Variants in NBPF19 observed in about 807,000 individuals in gnomAD.
NBPF19 encodes NBPF member 19, also known as NBPF family member NBPF19.
A neutral mutation model predicts 45.9 loss-of-function variants in NBPF19; 30 were observed. The observed-to-expected ratio is 0.65, with a 90% CI of 0.49 to 0.89. The LOEUF (loss-of-function observed/expected upper bound fraction) is 0.89. Among genes scored for constraint, NBPF19 ranks in the 40% least tolerant of loss-of-function variants. The pLI is 0.00. For missense variants in NBPF19, 495 were observed against 471.8 expected, an observed-to-expected ratio of 1.05 and a Z score of -0.46; for synonymous variants, 183 against 181.2, an observed-to-expected ratio of 1.01 and a Z score of -0.08.
chr1:149,486,716 C>A (rs2085531562), intron 8 of NBPF19, among the ~76,000 whole-genome samples: 1 of 151,286 alleles, frequency 6.6e-6, no homozygotes, highest in Non-Finnish European at 1.5e-5. Flanking sequence ...GCCAGTGTCA[C>A]CCTTGTCTAC....
Position 149,554,752 on chromosome 1 carries a change from A to T in NBPF19, c.*14A>T, listed in dbSNP as rs2087204840. On this transcript the variant is annotated 3_prime_UTR_variant, in exon 94 of 94. Transcript: ENST00000651566. Reference sequence around the variant, plus strand: ...TTCCCACAATAGGCAGCCCTTACTAAGCCGAGAGATGTCATTCCTGCAGGC... The same window carrying T: ...TTCCCACAATAGGCAGCCCTTACTATGCCGAGAGATGTCATTCCTGCAGGC... The T allele has an allele frequency of 1.9e-5, 30 of 1,607,796 alleles. No individual in the cohort carries two copies. The highest frequency in any genetic ancestry group is 2.5e-5 in the Non-Finnish European group (29 of 1,176,364).
chr1:149,487,126 C>T lies in NBPF19; in HGVS notation c.989-206C>T, dbSNP rs3934185. Among the ~76,000 whole-genome samples the T allele has an allele frequency of 3.3e-5, 5 of 150,186 alleles. No individual in the cohort carries two copies. In the East Asian group the frequency reaches 7.8e-4, roughly 23 times the overall value. ...GCACATAGGGAAGATAACATTCCAA[C>T]ACAGGGGAATTTTGCCCAAGGCTCA... On this transcript the variant is annotated intron_variant, in intron 8 of 93. Coordinates refer to ENST00000651566, the MANE Select transcript of NBPF19 (RefSeq NM_001351365.2).
Position 149,554,741 on chromosome 1 carries a change from A to T in NBPF19, c.*3A>T. On this transcript the variant is annotated 3_prime_UTR_variant, in exon 94 of 94. Coordinates refer to ENST00000651566, the MANE Select transcript of NBPF19 (RefSeq NM_001351365.2). ...TGTTAGTCATATTCCCACAATAGGC[A>T]GCCCTTACTAAGCCGAGAGATGTCA... The T allele has an allele frequency of 1.2e-6, 2 of 1,608,112 alleles. No homozygotes were observed. The highest frequency in any genetic ancestry group is 8.5e-7 in the Non-Finnish European group (1 of 1,176,588).
At chr1:149,493,928 G>A (rs1407440790) in intron 17 of NBPF19, among the ~76,000 whole-genome samples, 1 of 46,626 alleles carries the variant, frequency 2.1e-5, no homozygotes, top group African/African-American at 1.5e-4. Context: ...ATACCTCAAA[G>A]GCTGTATGGC....
At position 149,480,343 on chromosome 1, in the gene NBPF19, A is replaced by C; in HGVS notation, c.566+129A>C. 3.7e-6 allele frequency: 3 copies of C among 814,102 alleles called. No individual in the cohort carries two copies. The South Asian group carries it at 4.2e-5, about 12-fold the overall frequency. 50.4% of individuals were successfully genotyped at this position (814,102 alleles called of 1,614,324 possible). On this transcript the variant is annotated intron_variant, in intron 5 of 93. Coordinates refer to ENST00000651566, the MANE Select transcript of NBPF19 (RefSeq NM_001351365.2). ...GCTTGGCCACAGTATGTGAAATATAATCCAGCTTAGACACAGGGTGCGGTA... is the reference window on the plus strand; with the variant it reads ...GCTTGGCCACAGTATGTGAAATATACTCCAGCTTAGACACAGGGTGCGGTA...
intron 2 of NBPF19, 141 bp downstream of exon 2, chr1:149,476,248 TG>T (rs1247580518): frequency 1.6e-6 from 1 of 641,392 alleles, no homozygotes; most frequent in Admixed American, 3.0e-5. Context: ...TTTAACATTT[TG>T]TTAAAGTTGG....
At chr1:149,477,339 A>C (rs1353168807) in intron 2 of NBPF19, among the ~76,000 whole-genome samples, 12 of 151,506 alleles carry the variant, frequency 7.9e-5, no homozygotes, top group African/African-American at 2.9e-4. Context: ...CTAAATTAAC[A>C]CAACTAATCT....
chr1:149,521,086 GTC>G (rs1332010239), intron 51 of NBPF19, among the ~76,000 whole-genome samples: 1 of 78,828 alleles, frequency 1.3e-5, no homozygotes, highest in Admixed American at 1.3e-4. Flanking sequence ...CTCTGTCTCT[GTC>G]TCTCTCTCTG....
Position 149,478,869 on chromosome 1 carries a change from T to C in NBPF19, c.279-11T>C. ...TTCTACTCTTAAATTTTCTCTACCGTCTCACCTTAGGCAATATAAAGTCCT... is the reference window on the plus strand; with the variant it reads ...TTCTACTCTTAAATTTTCTCTACCGCCTCACCTTAGGCAATATAAAGTCCT... On this transcript the variant is annotated splice_polypyrimidine_tract_variant and intron_variant, in intron 3 of 93. Transcript: ENST00000651566. 1 of 1,596,236 alleles carries C rather than the reference T, an allele frequency of 6.3e-7. No homozygotes were observed. The highest frequency in any genetic ancestry group is 8.6e-7 in the Non-Finnish European group (1 of 1,166,120).
At chr1:149,478,755 A>C in intron 3 of NBPF19, 125 bp from the exon 4 acceptor site, 4 of 1,123,654 alleles carry the variant, frequency 3.6e-6, no homozygotes, top group Non-Finnish European at 5.4e-6. Context: ...CATTCCTTTC[A>C]ACATGTGCTG....
At chr1:149,482,622 ATGTTAGGG>A (rs2085265154) in intron 7 of NBPF19, among the ~76,000 whole-genome samples, 1 of 152,098 alleles carries the variant, frequency 6.6e-6, no homozygotes, top group Admixed American at 6.5e-5. Flanking sequence ...TTTAATTGTG[ATGTTAGGG>A]TGTCCATTTT....
rs1420159722 is a variant in NBPF19, at chr1:149,528,944, T to A, written c.7347-230T>A. Among the ~76,000 whole-genome samples, 35 of 124,422 alleles carry A rather than the reference T, an allele frequency of 2.8e-4. 1 individual carries two copies. Among genetic ancestry groups the A allele is most frequent in the Non-Finnish European group, 4.9e-4 (29 of 59,500 alleles). The allele number at this position is 124,422 out of a possible 152,430, so 81.6% of individuals were successfully genotyped here. ...CAATTCACTGAGCTCGTTCTCTCTC[T>A]CTGTGTGTGTGTGTGTGTGTGTGTG... On this transcript the variant is annotated intron_variant, in intron 61 of 93. Coordinates refer to ENST00000651566, the MANE Select transcript of NBPF19 (RefSeq NM_001351365.2).
At position 149,488,451 on chromosome 1, in the gene NBPF19, C is replaced by T. The variant is rs1303178415; in HGVS notation, c.1213+266C>T. ...TGACGTTGGACCTGGGCAGATGTGA[C>T]AAATTCACACAACTCTGATTTTGTC... On this transcript the variant is annotated intron_variant, in intron 10 of 93. Transcript: ENST00000651566. Among the ~76,000 whole-genome samples, 2 of 135,046 alleles carry T rather than the reference C, an allele frequency of 1.5e-5. 1 individual carries two copies. The highest frequency in any genetic ancestry group is 3.2e-5 in the Non-Finnish European group (2 of 63,222). The allele number at this position is 135,046 out of a possible 152,430, so 88.6% of individuals were successfully genotyped here.
In NBPF19 at chr1:149,554,513, G is replaced by T. The variant is rs2087195141; in HGVS notation, c.11307G>T (p.Met3769Ile). The change falls in exon 94 of 94, where the codon ATG becomes ATT. Residue 3769 changes from methionine to isoleucine, a missense_variant. Transcript: ENST00000651566. ...TTTCCAGGCTCAACAGCGTGCTGATGGAAGTGGAAGAGCCTGAAGTCTTAC... is the reference window on the plus strand; with the variant it reads ...TTTCCAGGCTCAACAGCGTGCTGATTGAAGTGGAAGAGCCTGAAGTCTTAC... ...PPCPRLNSVLMEVEEPEVLQD... is the reference protein window; with the variant it reads ...PPCPRLNSVLIEVEEPEVLQD... The T allele has an allele frequency of 1.9e-6, 3 of 1,608,188 alleles. No individual in the cohort carries two copies. The highest frequency in any genetic ancestry group is 2.5e-6 in the Non-Finnish European group (3 of 1,176,726).
chr1:149,477,299 T>C (rs1181109133), intron 2 of NBPF19, among the ~76,000 whole-genome samples: 2 of 151,330 alleles, frequency 1.3e-5, no homozygotes, highest in African/African-American at 4.9e-5. Flanking sequence ...CATTCTGATG[T>C]TTCTAAATTA....
chr1:149,488,451 C>A (rs1303178415), intron 10 of NBPF19, among the ~76,000 whole-genome samples: 1 of 135,046 alleles, frequency 7.4e-6, no homozygotes, highest in African/African-American at 2.8e-5. Flanking sequence ...GCAGATGTGA[C>A]AAATTCACAC....
Position 149,554,879 on chromosome 1 carries a change from C to A in NBPF19, c.*141C>A. The stretch of plus-strand genomic sequence containing the variant: ...GCATGGCTCTTTTCCTATTCTCAAA[C>A]CATGCCAGTGGCAACCTGTGCTCAG... On this transcript the variant is annotated 3_prime_UTR_variant, in exon 94 of 94. Transcript: ENST00000651566. 6.8e-7 allele frequency: 1 copy of A among 1,467,286 alleles called. No homozygotes were observed. The highest frequency in any genetic ancestry group is 9.3e-7 in the Non-Finnish European group (1 of 1,078,944). The allele number at this position is 1,467,286 out of a possible 1,614,324, so 90.9% of individuals were successfully genotyped here. A position where few individuals can be genotyped will look rare whatever the true frequency, so the allele number is the denominator to read the frequency against.
At chr1:149,494,055 C>G (rs2085977712) in intron 17 of NBPF19, among the ~76,000 whole-genome samples, 1 of 122,662 alleles carries the variant, frequency 8.2e-6, no homozygotes, top group Admixed American at 8.1e-5. Flanking sequence ...ACCCCTTCAT[C>G]AGTGTGTCAC....
chr1:149,486,269 G>C lies in NBPF19; in HGVS notation c.964G>C (p.Val322Leu). ...ATTTCACTCATTAGAGGAACAGCAA[G>C]TCTGCATGGCTGTTGACATAGGCAG... is the stretch of plus-strand genomic sequence containing the variant. ...STFHSLEEQQ[V>L]CMAVDIGRHR... The change falls in exon 8 of 94, where the codon GTC (valine) becomes CTC (leucine). Residue 322 changes from valine to leucine, a missense_variant. Coordinates refer to ENST00000651566, the MANE Select transcript of NBPF19 (RefSeq NM_001351365.2). The C allele has an allele frequency of 1.7e-6, 1 of 575,430 alleles. No individual in the cohort carries two copies. The highest frequency in any genetic ancestry group is 3.0e-6 in the Non-Finnish European group (1 of 328,924). The allele number at this position is 575,430 out of a possible 1,614,324, so 35.6% of individuals were successfully genotyped here.
Sources: gnomAD v4.1 joint callset for allele counts (sites outside exome capture counted in the v4.1 genomes callset) on GRCh38, gnomAD v4.1.1 for gene constraint, MANE v1.5 for transcripts, NCBI Gene and HGNC (gene_info 2026-07-23, HGNC 2026-07-21) for gene names.